PHLDB2: variants seen among roughly 807,000 people sequenced by gnomAD.
PHLDB2 encodes pleckstrin homology like domain family B member 2.
Under a neutral mutation model 123.6 loss-of-function variants are expected in PHLDB2, and 71 were observed. The ratio of observed to expected loss-of-function variants is 0.57; its 90% CI spans 0.47 to 0.70. The LOEUF is 0.70. Among genes scored for constraint, PHLDB2 ranks in the 30% least tolerant of loss-of-function variants. The pLI, the probability that PHLDB2 is intolerant of heterozygous loss-of-function variation, is 0.00. For missense variants in PHLDB2, 1,446 were observed against 1,519.5 expected, an observed-to-expected ratio of 0.95 and a Z score of 0.80; for synonymous variants, 547 against 541.6, an observed-to-expected ratio of 1.01 and a Z score of -0.14.
chr3:111,775,972 C>T (rs777184474), intron 1 of PHLDB2, among the ~76,000 whole-genome samples: 20 of 152,096 alleles, frequency 1.3e-4, no homozygotes, highest in Admixed American at 2.6e-4. Context: ...AGCTTTGGAA[C>T]GTATTTAGCT....
At chr3:111,761,470 G>A (rs985811116) in intron 1 of PHLDB2, among the ~76,000 whole-genome samples, 4 of 152,194 alleles carry the variant, frequency 2.6e-5, no homozygotes, top group Admixed American at 6.5e-5. Flanking sequence ...AAGATGGGAC[G>A]TGAACAAATC....
Position 111,790,544 on chromosome 3 carries a change from T to C in PHLDB2, c.-48-55277T>C, listed in dbSNP as rs140118133. Among the ~76,000 whole-genome samples, 640 of 152,346 alleles carry C rather than the reference T, an allele frequency of 4.2e-3. 1 individual carries two copies. The highest frequency in any genetic ancestry group is 0.015 in the African/African-American group (616 of 41,588). ...TTATTGCAACTCAGGAGCCAGACTA[T>C]GACAGTGAACTGACATGTGTTTGTG... On this transcript the variant is annotated intron_variant, in intron 1 of 17. Transcript: ENST00000393923.
intron 1 of PHLDB2, among the ~76,000 whole-genome samples, chr3:111,792,101 AC>A (rs1311861363): frequency 1.3e-5 from 2 of 152,046 alleles, no homozygotes; most frequent in Admixed American, 1.3e-4. Flanking sequence ...TCTACTAATG[AC>A]TTTTATACTT....
chr3:111,949,674 A>T, intron 10 of PHLDB2: 2 of 948,732 alleles, frequency 2.1e-6, no homozygotes, highest in Non-Finnish European at 2.5e-6. Context: ...ATGTGGACAC[A>T]TATATACCTT....
chr3:111,930,614 A>T (rs1159311268), intron 5 of PHLDB2, among the ~76,000 whole-genome samples: 1 of 142,564 alleles, frequency 7.0e-6, no homozygotes, highest in Non-Finnish European at 1.6e-5. Flanking sequence ...TTTATTAAGG[A>T]AAAAAAAAAT....
Position 111,771,880 on chromosome 3 carries a change from T to A in PHLDB2, c.-49+39177T>A, listed in dbSNP as rs1292807958. Among the ~76,000 whole-genome samples the A allele has an allele frequency of 2.6e-5, 4 of 152,234 alleles. No individual in the cohort carries two copies. In the East Asian group the frequency reaches 7.7e-4, roughly 29 times the overall value. On this transcript the variant is annotated intron_variant, in intron 1 of 17. Coordinates refer to the PHLDB2 transcript ENST00000393923. The stretch of plus-strand genomic sequence containing the variant: ...AACACAAAAGAGTAAATGTTTCTTC[T>A]TAAATGGAATCTCCTAATTCAAAAA...
chr3:111,925,386 A>T (rs1052090634), intron 5 of PHLDB2, among the ~76,000 whole-genome samples: 1 of 152,164 alleles, frequency 6.6e-6, no homozygotes, highest in Non-Finnish European at 1.5e-5. Context: ...TACCACTGTT[A>T]CGAACATCAA....
intron 12 of PHLDB2, chr3:111,958,340 A>T: frequency 5.1e-6 from 5 of 980,092 alleles, no homozygotes; most frequent in Non-Finnish European, 6.1e-6. Flanking sequence ...GGTTAATTTT[A>T]TCCTCTTAAC....
intron 1 of PHLDB2, among the ~76,000 whole-genome samples, chr3:111,820,731 G>A (rs1455172970): frequency 6.6e-6 from 1 of 152,230 alleles, no homozygotes; most frequent in Non-Finnish European, 1.5e-5. Flanking sequence ...GGTCAAGAAG[G>A]AGGAGGAAGA....
At chr3:111,757,388 T>C (rs1378865005) in intron 1 of PHLDB2, among the ~76,000 whole-genome samples, 1 of 152,214 alleles carries the variant, frequency 6.6e-6, no homozygotes, top group African/African-American at 2.4e-5. Flanking sequence ...TCTCGCTTCA[T>C]TTCATTCATT....
chr3:111,743,460 T>C (rs758034886), intron 1 of PHLDB2, among the ~76,000 whole-genome samples: 57 of 152,266 alleles, frequency 3.7e-4, no homozygotes, highest in Non-Finnish European at 7.9e-4. Flanking sequence ...TGATTTCTAC[T>C]CAGTTATGAA....
intron 1 of PHLDB2, among the ~76,000 whole-genome samples, chr3:111,800,258 G>C (rs965566168): frequency 6.6e-6 from 1 of 152,076 alleles, no homozygotes; most frequent in Non-Finnish European, 1.5e-5. Context: ...TGCCTGCCTC[G>C]GCTTCCCAAA....
At chr3:111,900,699 A>G (rs993932917) in intron 2 of PHLDB2, among the ~76,000 whole-genome samples, 3 of 152,220 alleles carry the variant, frequency 2.0e-5, no homozygotes, top group African/African-American at 7.2e-5. Flanking sequence ...AATGTGACGC[A>G]GAGACATGAA....
At chr3:111,950,751 T>C (rs2070662335) in intron 10 of PHLDB2, among the ~76,000 whole-genome samples, 1 of 152,186 alleles carries the variant, frequency 6.6e-6, no homozygotes, top group Non-Finnish European at 1.5e-5. Context: ...TGAAGGTACC[T>C]TTACCATCAA....
intron 1 of PHLDB2, among the ~76,000 whole-genome samples, chr3:111,735,315 G>A (rs1172274554): frequency 1.3e-5 from 2 of 152,150 alleles, no homozygotes; most frequent in African/African-American, 4.8e-5. Context: ...GAGTCTAAAT[G>A]GCTTTTTGGT....
At chr3:111,860,188 T>G (rs1484781015) in intron 1 of PHLDB2, among the ~76,000 whole-genome samples, 1 of 152,018 alleles carries the variant, frequency 6.6e-6, no homozygotes, top group Non-Finnish European at 1.5e-5. Context: ...TTGGGATAGC[T>G]CCCTGAGAAA....
chr3:111,737,234 C>A (rs764397524), intron 1 of PHLDB2, among the ~76,000 whole-genome samples: 1 of 152,178 alleles, frequency 6.6e-6, no homozygotes, highest in Non-Finnish European at 1.5e-5. Flanking sequence ...GTTTTCTTAT[C>A]CCTAATGTTT....
chr3:111,910,601 CTT>C (rs1390473059), intron 2 of PHLDB2, among the ~76,000 whole-genome samples: 3 of 152,160 alleles, frequency 2.0e-5, no homozygotes, highest in South Asian at 2.1e-4. Flanking sequence ...ACAGTGCCCT[CTT>C]TGATTCTTGA....
At position 111,817,159 on chromosome 3, in the gene PHLDB2, C is replaced by T. The variant is rs114304466; in HGVS notation, c.-48-28662C>T. Among the ~76,000 whole-genome samples, 608 of 152,230 alleles carry T rather than the reference C, an allele frequency of 4.0e-3. 4 individuals are homozygous for T. The highest frequency in any genetic ancestry group is 0.014 in the African/African-American group (567 of 41,526). Reference sequence around the variant, plus strand: ...CATGTCTTTATCAGCAATGTGAAAACGGACTAATACAAGCGATTACCAGAA... The same window carrying T: ...CATGTCTTTATCAGCAATGTGAAAATGGACTAATACAAGCGATTACCAGAA... On this transcript the variant is annotated intron_variant, in intron 1 of 17. Transcript: ENST00000393923.
Sources: gnomAD v4.1 joint callset for allele counts (sites outside exome capture counted in the v4.1 genomes callset) on GRCh38, gnomAD v4.1.1 for gene constraint, MANE v1.5 for transcripts, NCBI Gene and HGNC (gene_info 2026-07-23, HGNC 2026-07-21) for gene names.